RCBTB2: variants seen among roughly 807,000 people sequenced by gnomAD.
The protein encoded by RCBTB2 is RCC1 and BTB domain-containing protein 2.
A neutral mutation model predicts 65.4 loss-of-function variants in RCBTB2; 55 were observed. The observed-to-expected ratio is 0.84, with a 90% confidence interval of 0.68 to 1.05. RCBTB2 has a LOEUF of 1.05. Among genes scored for constraint, RCBTB2 ranks in the 50% least tolerant of loss-of-function variants. RCBTB2 has a pLI of 0.00. For missense variants in RCBTB2, 599 were observed against 680.1 expected, an observed-to-expected ratio of 0.88 and a Z score of 1.33; for synonymous variants, 220 against 255.2, an observed-to-expected ratio of 0.86 and a Z score of 1.31.
At chr13:48,511,726 C>G (rs756124628) in intron 9 of RCBTB2, 44 bp downstream of exon 9, 3 of 1,520,334 alleles carry the variant, frequency 2.0e-6, no homozygotes, top group Non-Finnish European at 2.7e-6. Context: ...TCTTTGCCAG[C>G]GAAGACTTAA....
intron 10 of RCBTB2, among the ~76,000 whole-genome samples, chr13:48,509,225 G>A (rs1438950330): frequency 1.3e-5 from 2 of 152,126 alleles, no homozygotes; most frequent in Non-Finnish European, 1.5e-5. Context: ...TACTCCAGAG[G>A]CTAAGGTGGG....
In RCBTB2 at chr13:48,510,709, G is replaced by GC. The variant is rs1402794784; in HGVS notation, c.845dup (p.Ala283ArgfsTer12). On this transcript the variant is annotated frameshift_variant, in exon 10 of 15. Transcript: ENST00000344532. LOFTEE classifies it high-confidence loss of function. ...TGCCCAACTGCCCATAAGAATTGGC[G>GC]CCCCAAGCATACACTTGGCCTTCAT... is the stretch of plus-strand genomic sequence containing the variant. 6.2e-7 allele frequency: 1 copy of GC among 1,614,002 alleles called. No individual in the cohort carries two copies.
chr13:48,493,942 A>G (rs1465381309), intron 14 of RCBTB2, among the ~76,000 whole-genome samples: 1 of 152,186 alleles, frequency 6.6e-6, no homozygotes, highest in Non-Finnish European at 1.5e-5. Flanking sequence ...CACTCAGTGA[A>G]TATTTGTTGA....
chr13:48,506,354 A>G (rs574273295), intron 10 of RCBTB2, among the ~76,000 whole-genome samples: 8 of 152,378 alleles, frequency 5.3e-5, no homozygotes, highest in South Asian at 4.1e-4. Flanking sequence ...CTTTGTAAAC[A>G]GGGCCATGAT....
At chr13:48,496,559 G>A (rs1426465706) in intron 13 of RCBTB2, among the ~76,000 whole-genome samples, 1 of 151,758 alleles carries the variant, frequency 6.6e-6, no homozygotes, top group Non-Finnish European at 1.5e-5. Flanking sequence ...GGAGCACAGG[G>A]AAAATAGCTT....
rs9332060 is a variant in RCBTB2 at position 48,494,303 on chromosome 13, T to C, written c.1515+1888A>G. The stretch of plus-strand genomic sequence containing the variant: ...GCTTATTTGAGCCAGGCAAATCAAA[T>C]ACAGCACTGTTCTTTATTTACGAAA... On this transcript the variant is annotated intron_variant, in intron 14 of 14. Coordinates refer to ENST00000344532, the MANE Select transcript of RCBTB2 (RefSeq NM_001268.4). Among the ~76,000 whole-genome samples, 11 of 152,340 alleles carry C rather than the reference T, an allele frequency of 7.2e-5. No homozygotes were observed. In the South Asian group the frequency reaches 2.1e-3, roughly 29 times the overall value.
At chr13:48,525,994 C>T (rs1951709098) in intron 1 of RCBTB2, among the ~76,000 whole-genome samples, 1 of 152,066 alleles carries the variant, frequency 6.6e-6, no homozygotes, top group Non-Finnish European at 1.5e-5. Context: ...GATAAAAGGT[C>T]CCATGTAACT....
intron 2 of RCBTB2, among the ~76,000 whole-genome samples, chr13:48,523,862 T>A (rs1951559426): frequency 6.6e-6 from 1 of 152,168 alleles, no homozygotes; most frequent in South Asian, 2.1e-4. Context: ...AAAATTAGAA[T>A]GGTAGGAAAA....
chr13:48,499,364 C>T (rs1950130276), intron 13 of RCBTB2, among the ~76,000 whole-genome samples: 1 of 152,176 alleles, frequency 6.6e-6, no homozygotes, highest in Non-Finnish European at 1.5e-5. Flanking sequence ...TGCTGCATGG[C>T]CCTCAGTCTC....
chr13:48,507,474 G>C (rs1361877782), intron 10 of RCBTB2, among the ~76,000 whole-genome samples: 1 of 152,082 alleles, frequency 6.6e-6, no homozygotes, highest in African/African-American at 2.4e-5. Context: ...CAATCTTAAT[G>C]GGAAAAAAAA....
At chr13:48,524,849 C>T (rs1009474325) in intron 1 of RCBTB2, 92 bp from the exon 2 acceptor site, 2 of 152,062 alleles carry the variant, frequency 1.3e-5, no homozygotes, top group African/African-American at 2.4e-5. Context: ...CATTCTTTAT[C>T]TGAGAAAAAT....
At chr13:48,493,311 A>ACTCTCTCTCTCTCT (rs773819158) in intron 14 of RCBTB2, among the ~76,000 whole-genome samples, 1,907 of 56,944 alleles carry the variant, frequency 0.033, 27 homozygotes, top group South Asian at 0.061. Context: ...ACACACACAC[A>ACTCTCTCTCTCTCT]CACACTCTCT....
chr13:48,496,372 T>A (rs1480978209), intron 13 of RCBTB2, 51 bp from the exon 14 acceptor site: 1 of 1,476,152 alleles, frequency 6.8e-7, no homozygotes, highest in Non-Finnish European at 9.0e-7. Flanking sequence ...CATCCTGATT[T>A]ACAGTTGCTC....
At chr13:48,527,657 A>C (rs1167668201) in intron 1 of RCBTB2, among the ~76,000 whole-genome samples, 1 of 152,118 alleles carries the variant, frequency 6.6e-6, no homozygotes, top group East Asian at 1.9e-4. Context: ...AATATATATC[A>C]AGTAAGGTAA....
chr13:48,520,848 T>A (rs1021279106), intron 4 of RCBTB2, among the ~76,000 whole-genome samples: 2 of 152,090 alleles, frequency 1.3e-5, no homozygotes, highest in African/African-American at 2.4e-5. Flanking sequence ...AAAAAAGAGT[T>A]AAGAAAAAAT....
In RCBTB2 at chr13:48,532,666, G is replaced by A. The variant is rs373038751; in HGVS notation, c.-219+362C>T. On this transcript the variant is annotated intron_variant, in intron 1 of 14. Coordinates refer to ENST00000344532, the MANE Select transcript of RCBTB2 (RefSeq NM_001268.4). ...ACGCCAAACGCGACCCCTACCAGAG[G>A]ACTCGCGCATGCGCAGCGCAGCCTG... is the stretch of plus-strand genomic sequence containing the variant. 9 of 249,746 alleles carry A rather than the reference G, an allele frequency of 3.6e-5. No homozygotes were observed. In the East Asian group the frequency reaches 1.1e-3, roughly 29 times the overall value. 15.5% of individuals were successfully genotyped at this position (249,746 alleles called of 1,614,324 possible).
chr13:48,520,746 C>T (rs1951376295), intron 4 of RCBTB2, among the ~76,000 whole-genome samples: 1 of 152,110 alleles, frequency 6.6e-6, no homozygotes, highest in African/African-American at 2.4e-5. Flanking sequence ...AACCAAACTT[C>T]ACTTAATTAC....
intron 6 of RCBTB2, among the ~76,000 whole-genome samples, chr13:48,514,347 C>T (rs751997266): frequency 2.0e-5 from 3 of 152,186 alleles, no homozygotes; most frequent in Non-Finnish European, 2.9e-5. Flanking sequence ...TGAAATATCA[C>T]CCTACTCAGA....
At chr13:48,493,315 ACTCTCTCT>A (rs3085593) in intron 14 of RCBTB2, among the ~76,000 whole-genome samples, 26 of 75,082 alleles carry the variant, frequency 3.5e-4, no homozygotes, top group Admixed American at 9.8e-4. Flanking sequence ...ACACACACAC[ACTCTCTCT>A]CTCTCTCTCT....
Sources: gnomAD v4.1 joint callset for allele counts (sites outside exome capture counted in the v4.1 genomes callset) on GRCh38, gnomAD v4.1.1 for gene constraint, MANE v1.5 for transcripts, NCBI Gene and HGNC (gene_info 2026-07-23, HGNC 2026-07-21) for gene names.